FSIP2: variants seen among roughly 807,000 people sequenced by gnomAD.
FSIP2 encodes fibrous sheath interacting protein 2.
A neutral mutation model predicts 510.5 loss-of-function variants in FSIP2; 367 were observed. The observed-to-expected ratio is 0.72, with a 90% CI of 0.66 to 0.78. FSIP2 has a LOEUF of 0.78. Among genes scored for constraint, FSIP2 ranks in the 30% least tolerant of loss-of-function variants. The probability of loss-of-function intolerance (pLI) is 0.00; values close to 1 mark genes in which losing one functional copy is unlikely to be tolerated. For synonymous variants in FSIP2, 2,601 were observed against 2,732.2 expected (o/e 0.95, Z 1.50); for missense variants, 7,594 against 7,901.7 (o/e 0.96, Z 1.48).
intron 16 of FSIP2, among the ~76,000 whole-genome samples, chr2:185,798,670 G>A (rs10177147): frequency 0.11 from 16,908 of 151,650 alleles, 984 homozygotes; most frequent in Middle Eastern, 0.14. Flanking sequence ...CAAGATGGAC[G>A]GTAATGTAGC....
intron 19 of FSIP2, among the ~76,000 whole-genome samples, chr2:185,820,893 T>C (rs1032673588): frequency 4.0e-5 from 6 of 148,900 alleles, no homozygotes; most frequent in Non-Finnish European, 7.4e-5. Flanking sequence ...CTTAGGGAAC[T>C]AGAGAAAGAA....
At chr2:185,815,550 C>T in intron 19 of FSIP2, 79 bp downstream of exon 19, 1 of 592,258 alleles carries the variant, frequency 1.7e-6, no homozygotes, top group Non-Finnish European at 3.0e-6. Context: ...CCTGGCAAAA[C>T]TGTAATTGAG....
At chr2:185,784,297 G>C (rs1173827155) in intron 14 of FSIP2, among the ~76,000 whole-genome samples, 5 of 152,108 alleles carry the variant, frequency 3.3e-5, no homozygotes, top group African/African-American at 1.2e-4. Flanking sequence ...GGTATAAGGA[G>C]TAACAGTGAA....
intron 13 of FSIP2, among the ~76,000 whole-genome samples, chr2:185,774,309 C>T (rs1559019311): frequency 6.6e-6 from 1 of 152,114 alleles, no homozygotes; most frequent in Non-Finnish European, 1.5e-5. Context: ...GCTGCCTTAG[C>T]TTTTTAAAAT....
At chr2:185,776,585 G>T (rs2105585440) in intron 13 of FSIP2, among the ~76,000 whole-genome samples, 1 of 151,860 alleles carries the variant, frequency 6.6e-6, no homozygotes, top group African/African-American at 2.4e-5. Context: ...TAATTTATTT[G>T]AATTAGCATC....
chr2:185,805,033 G>A lies in FSIP2; in HGVS notation c.15727G>A (p.Glu5243Lys). ...TCATTTACAGCCATTTTTACATGGTGAAGAATCATCTTTCAGTGACTTATC... is the reference window on the plus strand; with the variant it reads ...TCATTTACAGCCATTTTTACATGGTAAAGAATCATCTTTCAGTGACTTATC... ...YHHLQPFLHGEESSFSDLSDY... is the reference protein window; with the variant it reads ...YHHLQPFLHGKESSFSDLSDY... Residue 5243 changes from glutamate to lysine, a missense_variant, in exon 17 of 23, where the codon GAA becomes AAA. Glu to Lys is a moderately conservative substitution (Grantham distance 56). Transcript: ENST00000424728. 1 of 1,596,522 alleles carries A rather than the reference G, an allele frequency of 6.3e-7. No individual in the cohort carries two copies. Among genetic ancestry groups the A allele is most frequent in the East Asian group, 2.2e-5 (1 of 44,522 alleles).
At position 185,793,772 on chromosome 2, in the gene FSIP2, G is replaced by A; in HGVS notation, c.6636G>A (p.Glu2212=). The change falls in exon 16 of 23, where the codon GAG becomes GAA. Residue 2212 remains glutamate, a synonymous_variant. Transcript: ENST00000424728. ...LKGSKTERKT[E]RFSYSRNQKS... ...GGTCAAAAACTGAAAGAAAAACAGA[G>A]CGTTTTTCATATTCAAGAAATCAGA... The A allele has an allele frequency of 6.5e-7, 1 of 1,532,540 alleles. No homozygotes were observed. Among genetic ancestry groups the A allele is most frequent in the Non-Finnish European group, 8.7e-7 (1 of 1,144,978 alleles). 94.9% of individuals were successfully genotyped at this position (1,532,540 alleles called of 1,614,324 possible). A position where few individuals can be genotyped will look rare whatever the true frequency, so the allele number is the denominator to read the frequency against.
Position 185,789,276 on chromosome 2 carries a change from G to GAAAT in FSIP2, c.2143_2146dup (p.Met716AsnfsTer4), listed in dbSNP as rs1559025048. The GAAAT allele has an allele frequency of 6.5e-7, 1 of 1,534,664 alleles. No homozygotes were observed. Among genetic ancestry groups the GAAAT allele is most frequent in the East Asian group, 2.4e-5 (1 of 40,858 alleles). On this transcript the variant is annotated frameshift_variant, in exon 16 of 23. Coordinates refer to ENST00000424728, the MANE Select transcript of FSIP2 (RefSeq NM_173651.4). LOFTEE classifies it high-confidence loss of function. The stretch of plus-strand genomic sequence containing the variant: ...AGTGATTTTAGAAAGCATTTTGCGA[G>GAAAT]AAATAATGTCTGATTTAACCCAGGC...
At chr2:185,738,612 ATGG>A, upstream of FSIP2, 1 of 1,535,922 alleles carries the variant, frequency 6.5e-7, no homozygotes, top group Non-Finnish European at 8.7e-7. Context: ...CTAAGGCGTG[ATGG>A]TTTCAGAGAA....
intron 13 of FSIP2, among the ~76,000 whole-genome samples, chr2:185,777,046 A>G (rs1019909599): frequency 2.6e-5 from 4 of 152,118 alleles, no homozygotes; most frequent in African/African-American, 9.7e-5. Flanking sequence ...TCTAATCCAC[A>G]TGTTGGCCAG....
chr2:185,829,046 A>G lies in FSIP2; in HGVS notation c.20517+847A>G, dbSNP rs556387683. ...TATGAATATAAGTATTTGTTTAACT[A>G]CCTCAGGCTCCACTTTGGCCACACT... is the stretch of plus-strand genomic sequence containing the variant. On this transcript the variant is annotated intron_variant, in intron 21 of 22. Transcript: ENST00000424728. Among the ~76,000 whole-genome samples, 10 of 151,946 alleles carry G rather than the reference A, an allele frequency of 6.6e-5. No homozygotes were observed. The South Asian group carries it at 1.5e-3, about 22-fold the overall frequency.
intron 19 of FSIP2, 21 bp from the exon 20 acceptor site, chr2:185,824,413 G>A (rs908819424): frequency 2.6e-6 from 4 of 1,552,758 alleles, no homozygotes; most frequent in Non-Finnish European, 3.5e-6. Context: ...CCTAAATGAT[G>A]TTCTTTTTCT....
chr2:185,784,062 A>AGTT (rs1324277891), intron 14 of FSIP2: 1 of 152,198 alleles, frequency 6.6e-6, no homozygotes, highest in Non-Finnish European at 1.5e-5. Context: ...GTTTTACAGG[A>AGTT]GTTTGCTGTG....
In FSIP2 at chr2:185,803,684, A is replaced by T; in HGVS notation, c.14378A>T (p.His4793Leu). The change falls in exon 17 of 23, where the codon CAT (histidine) becomes CTT (leucine). Residue 4793 changes from histidine to leucine, a missense_variant. His to Leu is a moderately conservative substitution (Grantham distance 99). Coordinates refer to ENST00000424728, the MANE Select transcript of FSIP2 (RefSeq NM_173651.4). ...TMYTTMLSHSHLEKIVTQLTS... is the reference protein window; with the variant it reads ...TMYTTMLSHSLLEKIVTQLTS... ...TATACCACTATGTTATCACATAGTC[A>T]TTTGGAAAAAATAGTTACTCAGCTT... 1 of 1,531,676 alleles carries T rather than the reference A, an allele frequency of 6.5e-7. No individual in the cohort carries two copies. The highest frequency in any genetic ancestry group is 1.7e-4 in the Middle Eastern group (1 of 5,956). The allele number at this position is 1,531,676 out of a possible 1,614,324, so 94.9% of individuals were successfully genotyped here. A position where few individuals can be genotyped will look rare whatever the true frequency, so the allele number is the denominator to read the frequency against.
chr2:185,823,441 A>AG (rs1331469114), intron 19 of FSIP2, among the ~76,000 whole-genome samples: 2 of 151,814 alleles, frequency 1.3e-5, no homozygotes, highest in Admixed American at 6.6e-5. Context: ...AATGGCTAAC[A>AG]GGCACATAAA....
rs75637979 is a variant in FSIP2, at chr2:185,743,920, G to C, written c.388-402G>C. Among the ~76,000 whole-genome samples, 58 of 152,166 alleles carry C rather than the reference G, an allele frequency of 3.8e-4. 2 individuals are homozygous for C. The East Asian group carries it at 6.6e-3, about 17-fold the overall frequency. ...CGCAATCATGGCTCACTGCAGCCTG[G>C]ACCTCCTGGGCTAAAGCTGTGTTCC... is the stretch of plus-strand genomic sequence containing the variant. On this transcript the variant is annotated intron_variant, in intron 3 of 22. Coordinates refer to ENST00000424728, the MANE Select transcript of FSIP2 (RefSeq NM_173651.4).
intron 13 of FSIP2, among the ~76,000 whole-genome samples, chr2:185,781,772 G>A (rs1427737342): frequency 1.3e-5 from 2 of 151,970 alleles, no homozygotes; most frequent in Non-Finnish European, 2.9e-5. Context: ...CATATTGCTG[G>A]AAACCACAGA....
intron 21 of FSIP2, among the ~76,000 whole-genome samples, chr2:185,830,447 T>C (rs942139105): frequency 2.0e-5 from 3 of 151,912 alleles, no homozygotes; most frequent in African/African-American, 7.2e-5. Context: ...CTGATAGCTG[T>C]AGGGGATTGG....
In FSIP2 at chr2:185,795,708, C is replaced by T. The variant is rs1021790325; in HGVS notation, c.8572C>T (p.Leu2858=). 7.2e-6 allele frequency: 11 copies of T among 1,532,490 alleles called. No individual in the cohort carries two copies. In the Admixed American group the frequency reaches 2.0e-4, roughly 27 times the overall value. The allele number at this position is 1,532,490 out of a possible 1,614,324, so 94.9% of individuals were successfully genotyped here. A position where few individuals can be genotyped will look rare whatever the true frequency, so the allele number is the denominator to read the frequency against. The part of the protein sequence containing the change: ...SNDKENEKCK[L]LMIAENVLTE... ...TGACAAGGAAAATGAAAAATGTAAGCTATTGATGATAGCTGAAAATGTTTT... is the reference window on the plus strand; with the variant it reads ...TGACAAGGAAAATGAAAAATGTAAGTTATTGATGATAGCTGAAAATGTTTT... Residue 2858 remains leucine (L), a synonymous_variant, in exon 16 of 23, where the codon CTA becomes TTA. Transcript: ENST00000424728.
Sources: gnomAD v4.1 joint callset for allele counts (sites outside exome capture counted in the v4.1 genomes callset) on GRCh38, gnomAD v4.1.1 for gene constraint, MANE v1.5 for transcripts, NCBI Gene and HGNC (gene_info 2026-07-23, HGNC 2026-07-21) for gene names.